The following KIAA1328 variants were observed in gnomAD, a reference collection of about 807,000 sequenced individuals.
KIAA1328 encodes KIAA1328, also known as protein hinderin.
A neutral mutation model predicts 68.1 loss-of-function variants in KIAA1328; 52 were observed. The ratio of observed to expected loss-of-function variants is 0.76; its 90% CI spans 0.61 to 0.96. The LOEUF (loss-of-function observed/expected upper bound fraction) is 0.96. Ranked by LOEUF, KIAA1328 falls within the 40% of genes least tolerant of loss-of-function variation. The pLI is 0.00. For missense variants in KIAA1328, 641 were observed against 677.6 expected (o/e 0.95, Z 0.60); for synonymous variants, 232 against 239.4 (o/e 0.97, Z 0.28).
intron 7 of KIAA1328, among the ~76,000 whole-genome samples, chr18:37,081,991 C>G (rs2056963024): frequency 6.6e-6 from 1 of 152,076 alleles, no homozygotes; most frequent in Admixed American, 6.6e-5. Context: ...TTCTCCTTGT[C>G]TGAGCACATA....
At chr18:37,079,130 C>T (rs1283065070) in intron 7 of KIAA1328, among the ~76,000 whole-genome samples, 3 of 139,654 alleles carry the variant, frequency 2.1e-5, no homozygotes, top group East Asian at 3.9e-4. Flanking sequence ...CACATATACA[C>T]CATGGAATAC....
At chr18:36,859,956 T>G (rs1301786084) in intron 4 of KIAA1328, among the ~76,000 whole-genome samples, 1 of 151,898 alleles carries the variant, frequency 6.6e-6, no homozygotes, top group African/African-American at 2.4e-5. Flanking sequence ...ATAAAACTAT[T>G]TCTCTCTAAA....
At chr18:36,872,384 A>G (rs936472226) in intron 4 of KIAA1328, among the ~76,000 whole-genome samples, 1 of 152,148 alleles carries the variant, frequency 6.6e-6, no homozygotes, top group Non-Finnish European at 1.5e-5. Context: ...AGTAGTAGAT[A>G]AATACTGATG....
intron 6 of KIAA1328, among the ~76,000 whole-genome samples, chr18:36,991,390 A>G (rs1192623446): frequency 6.6e-6 from 1 of 152,204 alleles, no homozygotes; most frequent in African/African-American, 2.4e-5. Context: ...CAAAAAACTT[A>G]TTAATAATAA....
intron 4 of KIAA1328, among the ~76,000 whole-genome samples, chr18:36,850,489 A>C (rs532385491): frequency 6.6e-6 from 1 of 152,172 alleles, no homozygotes; most frequent in East Asian, 1.9e-4. Context: ...GATAGTACCA[A>C]ATCCTATATA....
intron 5 of KIAA1328, among the ~76,000 whole-genome samples, chr18:36,930,347 A>G (rs2050266832): frequency 6.6e-6 from 1 of 152,188 alleles, no homozygotes; most frequent in Non-Finnish European, 1.5e-5. Flanking sequence ...TTGTAACCAC[A>G]ACTTTCCTAT....
At chr18:37,040,559 T>C (rs1599053582) in intron 6 of KIAA1328, among the ~76,000 whole-genome samples, 1 of 152,038 alleles carries the variant, frequency 6.6e-6, no homozygotes, top group South Asian at 2.1e-4. Flanking sequence ...CAATTTTGTT[T>C]TTGTTTTCTC....
Position 36,844,335 on chromosome 18 carries a change from A to G in KIAA1328, c.332+33A>G, listed in dbSNP as rs1600952780. The stretch of plus-strand genomic sequence containing the variant: ...AAAACCTTATATGAAATGATTTATT[A>G]TACAAAAGACAACTCTTATTGAAAA... On this transcript the variant is annotated intron_variant, in intron 4 of 9. Coordinates refer to ENST00000280020, the MANE Select transcript of KIAA1328 (RefSeq NM_020776.3). 2.9e-6 allele frequency: 4 copies of G among 1,386,696 alleles called. No individual in the cohort carries two copies. The East Asian group carries it at 9.5e-5, about 33-fold the overall frequency. 85.9% of individuals were successfully genotyped at this position (1,386,696 alleles called of 1,614,324 possible). A position where few individuals can be genotyped will look rare whatever the true frequency, so the allele number is the denominator to read the frequency against.
At chr18:37,198,753 C>T (rs748771332) in intron 9 of KIAA1328, among the ~76,000 whole-genome samples, 24 of 152,244 alleles carry the variant, frequency 1.6e-4, no homozygotes, top group African/African-American at 3.6e-4. Context: ...GATAGTGTAA[C>T]GGCAATTTCT....
chr18:37,048,475 T>TA (rs1044115530), intron 6 of KIAA1328, among the ~76,000 whole-genome samples: 1 of 152,178 alleles, frequency 6.6e-6, no homozygotes, highest in Non-Finnish European at 1.5e-5. Context: ...TATTATGTCT[T>TA]ACAACCTGTC....
intron 7 of KIAA1328, among the ~76,000 whole-genome samples, chr18:37,073,108 A>G (rs1471820022): frequency 6.6e-6 from 1 of 152,246 alleles, no homozygotes; most frequent in Non-Finnish European, 1.5e-5. Context: ...GCATGGGCAA[A>G]GACTTCATGA....
intron 5 of KIAA1328, among the ~76,000 whole-genome samples, chr18:36,928,343 G>A (rs1004395226): frequency 2.0e-5 from 3 of 152,160 alleles, no homozygotes; most frequent in Non-Finnish European, 2.9e-5. Flanking sequence ...TGGAATTCAA[G>A]TCCTGGTTCT....
chr18:37,053,405 C>A (rs1410335517), intron 6 of KIAA1328, among the ~76,000 whole-genome samples: 1 of 152,062 alleles, frequency 6.6e-6, no homozygotes, highest in Non-Finnish European at 1.5e-5. Flanking sequence ...ATAGGAAAAA[C>A]ACACTTGGAT....
intron 4 of KIAA1328, among the ~76,000 whole-genome samples, chr18:36,857,273 C>T (rs1049215679): frequency 6.6e-6 from 1 of 152,122 alleles, no homozygotes; most frequent in African/African-American, 2.4e-5. Flanking sequence ...CTTCTCTTTC[C>T]TAAACTTTTT....
At chr18:37,043,775 A>G (rs2055354951) in intron 6 of KIAA1328, among the ~76,000 whole-genome samples, 1 of 152,194 alleles carries the variant, frequency 6.6e-6, no homozygotes, top group Non-Finnish European at 1.5e-5. Flanking sequence ...CTGAATGTGC[A>G]CACAGACTTG....
At position 37,018,808 on chromosome 18, in the gene KIAA1328, A is replaced by G. The variant is rs192105171; in HGVS notation, c.577-48082A>G. 4.6e-5 allele frequency among the ~76,000 whole-genome samples: 7 copies of G among 151,066 alleles called. No individual in the cohort carries two copies. The East Asian group carries it at 1.2e-3, about 25-fold the overall frequency. Reference sequence around the variant, plus strand: ...AATGATTTTTTTTTTAATGATTTTTATGTCTTTTTTCATTTCCTAGATTGC... The same window carrying G: ...AATGATTTTTTTTTTAATGATTTTTGTGTCTTTTTTCATTTCCTAGATTGC... On this transcript the variant is annotated intron_variant, in intron 6 of 9. Transcript: ENST00000280020.
Position 36,844,270 on chromosome 18 carries a change from A to G in KIAA1328, c.300A>G (p.Arg100=). ...AGGATTTATGTCTTGAAGACAAAAG[A>G]CGCATTGCAAACTTAATTAAAGAAC... ...SLKDLCLEDK[R]RIANLIKELA... The change falls in exon 4 of 10, where the codon AGA becomes AGG. Residue 100 remains arginine (R), a synonymous_variant. Transcript: ENST00000280020. 2 of 1,606,790 alleles carry G rather than the reference A, an allele frequency of 1.2e-6. No individual in the cohort carries two copies. The highest frequency in any genetic ancestry group is 1.7e-6 in the Non-Finnish European group (2 of 1,176,318).
chr18:37,159,794 C>T (rs764785841), intron 7 of KIAA1328, among the ~76,000 whole-genome samples: 15 of 152,196 alleles, frequency 9.9e-5, no homozygotes, highest in Admixed American at 2.6e-4. Context: ...AACACAAACG[C>T]GTTTGTGTGA....
At chr18:37,144,975 C>T (rs1276200019) in intron 7 of KIAA1328, among the ~76,000 whole-genome samples, 3 of 151,942 alleles carry the variant, frequency 2.0e-5, no homozygotes, top group African/African-American at 7.3e-5. Flanking sequence ...TGGCTCATGC[C>T]TGTAATCTCA....
Sources: allele counts gnomAD v4.1 joint callset (sites outside exome capture counted in the v4.1 genomes callset), GRCh38; gene constraint gnomAD v4.1.1; transcripts MANE v1.5; gene names NCBI Gene and HGNC (gene_info 2026-07-23, HGNC 2026-07-21).